VAT1L: variants seen among roughly 807,000 people sequenced by gnomAD.
VAT1L encodes the protein putative NADPH-dependent quinone oxidoreductase VAT1L.
VAT1L carries 34 observed loss-of-function variants against 44.1 expected under a neutral mutation model. The ratio of observed to expected loss-of-function variants is 0.77; its 90% CI spans 0.59 to 1.03. The LOEUF (loss-of-function observed/expected upper bound fraction) is 1.03, where lower values mean the gene tolerates loss of function less well. Among genes scored for constraint, VAT1L ranks in the 50% least tolerant of loss-of-function variants. The pLI is 0.00. For missense variants in VAT1L, 615 were observed against 538.8 expected, an observed-to-expected ratio of 1.14 and a Z score of -1.40; for synonymous variants, 253 against 202.2, an observed-to-expected ratio of 1.25 and a Z score of -2.13.
intron 7 of VAT1L, among the ~76,000 whole-genome samples, chr16:77,925,567 T>G (rs187258464): frequency 6.6e-6 from 1 of 152,312 alleles, no homozygotes; most frequent in Non-Finnish European, 1.5e-5. Flanking sequence ...GCTTTCCACG[T>G]TCTAGCGTTT....
At chr16:77,817,797 A>T (rs2016381634) in intron 2 of VAT1L, among the ~76,000 whole-genome samples, 1 of 152,240 alleles carries the variant, frequency 6.6e-6, no homozygotes, top group Non-Finnish European at 1.5e-5. Context: ...CCTGTGCACA[A>T]GTCAATTACA....
In VAT1L at chr16:77,928,528, G is replaced by A. The variant is rs144618032; in HGVS notation, c.1078-43322G>A. On this transcript the variant is annotated intron_variant, in intron 7 of 8. Coordinates refer to ENST00000302536, the MANE Select transcript of VAT1L (RefSeq NM_020927.3). The stretch of plus-strand genomic sequence containing the variant: ...TGAATCTTCCATAACTGTCATCTCA[G>A]AAACCGCTATCTTGGATGTGATGTG... Among the ~76,000 whole-genome samples, 46 of 152,240 alleles carry A rather than the reference G, an allele frequency of 3.0e-4. 1 individual carries two copies. Among genetic ancestry groups the A allele is most frequent in the Non-Finnish European group, 5.1e-4 (35 of 68,014 alleles).
At chr16:77,880,906 C>T (rs1478391127) in intron 6 of VAT1L, among the ~76,000 whole-genome samples, 1 of 152,112 alleles carries the variant, frequency 6.6e-6, no homozygotes, top group Non-Finnish European at 1.5e-5. Context: ...GCTGCATCCA[C>T]GTTGCTGCAA....
At chr16:77,911,696 C>T (rs909232685) in intron 7 of VAT1L, among the ~76,000 whole-genome samples, 9 of 152,110 alleles carry the variant, frequency 5.9e-5, no homozygotes, top group South Asian at 2.1e-4. Flanking sequence ...GGAGCTTGCA[C>T]GTGCAGACTC....
intron 7 of VAT1L, among the ~76,000 whole-genome samples, chr16:77,944,686 T>C (rs1242169166): frequency 6.6e-6 from 1 of 152,212 alleles, no homozygotes; most frequent in Non-Finnish European, 1.5e-5. Context: ...ATTATCATCA[T>C]TACTCTTGCT....
rs144839468 is a variant in VAT1L, at chr16:77,934,634, T to A, written c.1078-37216T>A. ...CTGTAGTAATTTGTTATAGGAACCATAGGGAACTAATTTAGTGGGATGTGA... is the reference window on the plus strand; with the variant it reads ...CTGTAGTAATTTGTTATAGGAACCAAAGGGAACTAATTTAGTGGGATGTGA... On this transcript the variant is annotated intron_variant, in intron 7 of 8. Transcript: ENST00000302536. Among the ~76,000 whole-genome samples, 1,390 of 152,220 alleles carry A rather than the reference T, an allele frequency of 9.1e-3. 23 individuals are homozygous for A. Among genetic ancestry groups the A allele is most frequent in the African/African-American group, 0.03 (1,264 of 41,524 alleles).
chr16:77,901,762 A>G (rs1217426299), intron 7 of VAT1L, among the ~76,000 whole-genome samples: 3 of 152,214 alleles, frequency 2.0e-5, no homozygotes, highest in African/African-American at 7.2e-5. Flanking sequence ...GTTACATTAA[A>G]TGAACCACTG....
chr16:77,898,169 TCCC>T lies in VAT1L; in HGVS notation c.1077+13370_1077+13372del, dbSNP rs937999127. 2.6e-5 allele frequency among the ~76,000 whole-genome samples: 4 copies of T among 152,216 alleles called. No homozygotes were observed. The East Asian group carries it at 5.8e-4, about 22-fold the overall frequency. ...CTCTGTGGGCATCTATCTCCAAAAT[TCCC>T]CCACTTTATAAGAACACTAGTATTG... is the stretch of plus-strand genomic sequence containing the variant. On this transcript the variant is annotated intron_variant, in intron 7 of 8. Transcript: ENST00000302536.
At chr16:77,870,005 C>G (rs927562345) in intron 4 of VAT1L, among the ~76,000 whole-genome samples, 1 of 152,152 alleles carries the variant, frequency 6.6e-6, no homozygotes, top group Non-Finnish European at 1.5e-5. Flanking sequence ...AGAGTCTAAT[C>G]ACCTGGAAAG....
chr16:77,819,813 A>G (rs989199817), intron 2 of VAT1L, among the ~76,000 whole-genome samples: 1 of 152,234 alleles, frequency 6.6e-6, no homozygotes, highest in Non-Finnish European at 1.5e-5. Context: ...GCTTTCTGAA[A>G]TATAATGAGT....
intron 3 of VAT1L, among the ~76,000 whole-genome samples, chr16:77,854,538 G>C (rs73577050): frequency 0.021 from 3,201 of 152,276 alleles, 118 homozygotes; most frequent in African/African-American, 0.073. Context: ...CAATGTGGGA[G>C]CTTGTATTGT....
intron 1 of VAT1L, among the ~76,000 whole-genome samples, chr16:77,792,850 T>C (rs2015858753): frequency 6.6e-6 from 1 of 152,184 alleles, no homozygotes; most frequent in South Asian, 2.1e-4. Context: ...TCCCCCTTCA[T>C]AGTATTGTAA....
intron 1 of VAT1L, among the ~76,000 whole-genome samples, chr16:77,802,511 A>G (rs1017751537): frequency 1.3e-5 from 2 of 151,962 alleles, no homozygotes; most frequent in Non-Finnish European, 2.9e-5. Context: ...GCTACTCGGG[A>G]GGCTGAGGCA....
At chr16:77,844,197 G>A (rs150278663) in intron 3 of VAT1L, among the ~76,000 whole-genome samples, 111 of 152,228 alleles carry the variant, frequency 7.3e-4, no homozygotes, top group Middle Eastern at 3.4e-3. Context: ...CCAACCACAG[G>A]TCAAAAATAT....
chr16:77,867,417 A>G (rs1218689596), intron 4 of VAT1L, among the ~76,000 whole-genome samples: 1 of 152,172 alleles, frequency 6.6e-6, no homozygotes, highest in Non-Finnish European at 1.5e-5. Flanking sequence ...TTAAAACTTC[A>G]TTGGGTGGAA....
intron 7 of VAT1L, among the ~76,000 whole-genome samples, chr16:77,956,765 C>T (rs1344809775): frequency 6.6e-6 from 1 of 152,142 alleles, no homozygotes; most frequent in Non-Finnish European, 1.5e-5. Context: ...CTTTGGTTGG[C>T]AATGCTTTCG....
intron 7 of VAT1L, among the ~76,000 whole-genome samples, chr16:77,898,628 G>GC (rs2017349129): frequency 1.6e-5 from 2 of 125,860 alleles, no homozygotes; most frequent in Admixed American, 2.1e-4. Flanking sequence ...CTTAAGGCAT[G>GC]CCCTGGCACC....
chr16:77,915,651 C>T (rs564821968), intron 7 of VAT1L, among the ~76,000 whole-genome samples: 11 of 152,298 alleles, frequency 7.2e-5, no homozygotes, highest in Admixed American at 6.5e-4. Flanking sequence ...GCAGGAGGCC[C>T]TGTTGTTGGT....
chr16:77,946,276 G>GTTCTTTTTT (rs2017963014), intron 7 of VAT1L, among the ~76,000 whole-genome samples: 1 of 33,862 alleles, frequency 3.0e-5, no homozygotes, highest in Non-Finnish European at 5.7e-5. Flanking sequence ...TAGGTTACTT[G>GTTCTTTTTT]TTCTTTTTTT....
Sources: allele counts gnomAD v4.1 joint callset (sites outside exome capture counted in the v4.1 genomes callset), GRCh38; gene constraint gnomAD v4.1.1; transcripts MANE v1.5; gene names NCBI Gene and HGNC (gene_info 2026-07-23, HGNC 2026-07-21).